LEKR1: variants seen among roughly 807,000 people sequenced by gnomAD.
LEKR1 encodes the protein leucine, glutamate and lysine rich 1.
LEKR1 carries 59 observed loss-of-function variants against 72.4 expected under a neutral mutation model. The observed-to-expected ratio is 0.82, with a 90% CI of 0.66 to 1.01. The LOEUF (loss-of-function observed/expected upper bound fraction) is 1.01, where lower values mean the gene tolerates loss of function less well. Among genes scored for constraint, LEKR1 ranks in the 50% least tolerant of loss-of-function variants. The pLI, the probability that LEKR1 is intolerant of heterozygous loss-of-function variation, is 0.00. For missense variants in LEKR1, 728 were observed against 759.2 expected (o/e 0.96, Z 0.48); for synonymous variants, 257 against 263.2 (o/e 0.98, Z 0.23).
chr3:156,936,007 C>T (rs1036051678), intron 5 of LEKR1, among the ~76,000 whole-genome samples: 6 of 152,048 alleles, frequency 3.9e-5, no homozygotes, highest in African/African-American at 7.2e-5. Flanking sequence ...ATGATGAGGA[C>T]GATGTGAATT....
intron 11 of LEKR1, among the ~76,000 whole-genome samples, chr3:157,025,886 C>A (rs1159498293): frequency 6.6e-6 from 1 of 151,782 alleles, no homozygotes; most frequent in Non-Finnish European, 1.5e-5. Context: ...CTTAATTAGC[C>A]TAGTGTGACG....
intron 4 of LEKR1, chr3:156,924,671 A>T: frequency 2.3e-6 from 1 of 436,254 alleles, no homozygotes; most frequent in East Asian, 3.4e-5. Context: ...TTTCACGTGG[A>T]TATTCAATTG....
At chr3:156,882,934 T>A (rs918437458) in intron 3 of LEKR1, among the ~76,000 whole-genome samples, 2 of 150,876 alleles carry the variant, frequency 1.3e-5, no homozygotes, top group Admixed American at 1.3e-4. Context: ...TTCTCACTCA[T>A]AGGTGGGAAT....
chr3:157,014,538 A>T (rs1478188323), intron 10 of LEKR1, among the ~76,000 whole-genome samples: 1 of 152,168 alleles, frequency 6.6e-6, no homozygotes. Flanking sequence ...TATTAAAATT[A>T]AAAGAGATAA....
rs748715472 is a variant in LEKR1, at chr3:156,983,744, G to C, written c.827+4469G>C. 3.3e-5 allele frequency among the ~76,000 whole-genome samples: 5 copies of C among 152,182 alleles called. No individual in the cohort carries two copies. In the South Asian group the frequency reaches 1.0e-3, roughly 32 times the overall value. On this transcript the variant is annotated intron_variant, in intron 7 of 12. Coordinates refer to ENST00000356539, the MANE Select transcript of LEKR1 (RefSeq NM_001004316.3). ...GCTACTGAATCCCAGGAGAGACCAG[G>C]GTCCCCACAGCCCAAGACAAACCTC...
At chr3:157,019,453 G>A (rs1733635880) in intron 10 of LEKR1, among the ~76,000 whole-genome samples, 1 of 152,098 alleles carries the variant, frequency 6.6e-6, no homozygotes, top group African/African-American at 2.4e-5. Context: ...CCAAGGAGAT[G>A]GAGTTTCAGC....
At chr3:157,013,650 A>G (rs779279422) in intron 10 of LEKR1, among the ~76,000 whole-genome samples, 16 of 152,114 alleles carry the variant, frequency 1.1e-4, no homozygotes, top group Non-Finnish European at 2.1e-4. Flanking sequence ...TTTAGCTAGC[A>G]GTAAATCAAG....
rs761755778 is a variant in LEKR1, at chr3:157,028,417, G to C, written c.1668+15G>C. 1 of 1,555,198 alleles carries C rather than the reference G, an allele frequency of 6.4e-7. No homozygotes were observed. Among genetic ancestry groups the C allele is most frequent in the Non-Finnish European group, 8.7e-7 (1 of 1,153,554 alleles). The stretch of plus-strand genomic sequence containing the variant: ...CCCAGGAAGAGGTAGGAAGCAGATA[G>C]TGGTAACTTTGCAATTAATCAAAGA... On this transcript the variant is annotated intron_variant, in intron 12 of 12. Coordinates refer to ENST00000356539, the MANE Select transcript of LEKR1 (RefSeq NM_001004316.3).
chr3:156,959,083 A>G (rs1229975070), intron 6 of LEKR1, among the ~76,000 whole-genome samples: 2 of 152,174 alleles, frequency 1.3e-5, no homozygotes, highest in Non-Finnish European at 2.9e-5. Context: ...CCAGCTTATT[A>G]AAGTCTTCTC....
chr3:156,927,234 C>G (rs1253754201), intron 4 of LEKR1, among the ~76,000 whole-genome samples, 195 bp from the exon 5 acceptor site: 1 of 151,822 alleles, frequency 6.6e-6, no homozygotes, highest in Non-Finnish European at 1.5e-5. Context: ...GTTAGAGTGA[C>G]CATACACTTC....
rs1020134778 is a variant in LEKR1, at chr3:156,992,946, A to T, written c.906-128A>T. On this transcript the variant is annotated intron_variant, in intron 8 of 12. Coordinates refer to ENST00000356539, the MANE Select transcript of LEKR1 (RefSeq NM_001004316.3). ...AACATTATAGAACCATTCTTTTTTT[A>T]AAATTTTTAATTTTTTAAAGTTACA... The T allele has an allele frequency of 1.4e-5, 8 of 551,766 alleles. No homozygotes were observed. The South Asian group carries it at 1.9e-4, about 13-fold the overall frequency. 34.2% of individuals were successfully genotyped at this position (551,766 alleles called of 1,614,324 possible).
intron 12 of LEKR1, among the ~76,000 whole-genome samples, chr3:157,034,416 G>A (rs1392688129): frequency 6.6e-6 from 1 of 152,134 alleles, no homozygotes; most frequent in East Asian, 1.9e-4. Context: ...CAGCTCTCAT[G>A]GATGACTTTG....
At chr3:156,938,163 A>G (rs1240853651) in intron 5 of LEKR1, among the ~76,000 whole-genome samples, 1 of 151,918 alleles carries the variant, frequency 6.6e-6, no homozygotes, top group African/African-American at 2.4e-5. Flanking sequence ...ACACACACAC[A>G]TGAGTGTGTA....
intron 2 of LEKR1, among the ~76,000 whole-genome samples, chr3:156,837,411 C>T (rs1576633750): frequency 6.6e-6 from 1 of 152,220 alleles, no homozygotes. Context: ...ATGGTGGAGA[C>T]TGAGAGTGTA....
chr3:157,004,105 A>G (rs1011743812), intron 9 of LEKR1, among the ~76,000 whole-genome samples: 1 of 152,194 alleles, frequency 6.6e-6, no homozygotes, highest in African/African-American at 2.4e-5. Flanking sequence ...CATATTTTAA[A>G]TATAAAGACA....
intron 3 of LEKR1, among the ~76,000 whole-genome samples, chr3:156,860,936 G>T (rs937304692): frequency 6.6e-6 from 1 of 152,066 alleles, no homozygotes; most frequent in African/African-American, 2.4e-5. Context: ...TAATTTCTAG[G>T]CAGGAATATG....
intron 3 of LEKR1, among the ~76,000 whole-genome samples, chr3:156,867,720 C>G (rs1242935536): frequency 6.6e-6 from 1 of 151,948 alleles, no homozygotes; most frequent in Admixed American, 6.6e-5. Context: ...TGTTTGTGTT[C>G]TTAAGTCTCA....
At chr3:156,952,974 A>G (rs1576889061) in intron 6 of LEKR1, among the ~76,000 whole-genome samples, 1 of 151,482 alleles carries the variant, frequency 6.6e-6, no homozygotes, top group East Asian at 1.9e-4. Context: ...GATACATAAC[A>G]TTGCATATGC....
At chr3:157,009,289 G>T (rs567829160) in intron 9 of LEKR1, among the ~76,000 whole-genome samples, 2 of 151,990 alleles carry the variant, frequency 1.3e-5, no homozygotes, top group African/African-American at 4.8e-5. Flanking sequence ...GTTATCACAG[G>T]TATTTTAGAT....
Sources: gnomAD v4.1 joint callset for allele counts (sites outside exome capture counted in the v4.1 genomes callset) on GRCh38, gnomAD v4.1.1 for gene constraint, MANE v1.5 for transcripts, NCBI Gene and HGNC (gene_info 2026-07-23, HGNC 2026-07-21) for gene names.